The following TMEM114 variants were observed in gnomAD, a reference collection of about 807,000 sequenced individuals.
The protein encoded by TMEM114 is claudin-26.
In TMEM114, 6 loss-of-function variants were observed where a neutral mutation model predicts 6.2. The ratio of observed to expected loss-of-function variants is 0.97; its 90% confidence interval spans 0.53 to 1.91. TMEM114 has a LOEUF of 1.91. Ranked by LOEUF, TMEM114 falls within the 40% of genes most tolerant of loss-of-function variation. The pLI, the probability that TMEM114 is intolerant of heterozygous loss-of-function variation, is 0.01. For missense variants in TMEM114, 218 were observed against 158.3 expected (o/e 1.38, Z -2.02); for synonymous variants, 104 against 73.0 (o/e 1.42, Z -2.16).
chr16:8,552,030 C>G (rs1444385739), intron 2 of TMEM114, among the ~76,000 whole-genome samples: 1 of 152,066 alleles, frequency 6.6e-6, no homozygotes, highest in Non-Finnish European at 1.5e-5. Context: ...CTCAAAATTA[C>G]AGAGCTCCAA....
intron 2 of TMEM114, among the ~76,000 whole-genome samples, chr16:8,573,903 C>G (rs575938364): frequency 2.1e-4 from 32 of 152,276 alleles, no homozygotes; most frequent in Admixed American, 1.2e-3. Flanking sequence ...GATCTTATTT[C>G]CCTGTGCACA....
chr16:8,545,449 C>T (rs1900636599), intron 2 of TMEM114, among the ~76,000 whole-genome samples: 1 of 151,858 alleles, frequency 6.6e-6, no homozygotes, highest in Non-Finnish European at 1.5e-5. Context: ...TAATCAACAT[C>T]ATCATCATCA....
the TMEM114 span, among the ~76,000 whole-genome samples, chr16:8,530,500 A>G: frequency 9.2e-5 from 14 of 152,262 alleles, 1 homozygote; most frequent in African/African-American, 3.1e-4. Context: ...TAGCCAATGG[A>G]AAGAGAATGA....
rs562232362 is a variant in TMEM114 at position 8,553,508 on chromosome 16, C to T, written n.213-15682G>A. 1.1e-3 allele frequency among the ~76,000 whole-genome samples: 163 copies of T among 151,700 alleles called. 1 individual carries two copies. Among genetic ancestry groups the T allele is most frequent in the African/African-American group, 3.8e-3 (156 of 41,344 alleles). ...GCTTTTCTTTCTTTTTTTTTTGAGACGGAGTCTCGCTGTGTCACCCAGGCT... is the reference window on the plus strand; with the variant it reads ...GCTTTTCTTTCTTTTTTTTTTGAGATGGAGTCTCGCTGTGTCACCCAGGCT... On this transcript the variant is annotated intron_variant and non_coding_transcript_variant, in intron 2 of 2. Transcript: ENST00000623677.
At position 8,551,545 on chromosome 16, in the gene TMEM114, G is replaced by A. The variant is rs114165402; in HGVS notation, n.213-13719C>T. Among the ~76,000 whole-genome samples, 501 of 152,272 alleles carry A rather than the reference G, an allele frequency of 3.3e-3. 1 individual carries two copies. Among genetic ancestry groups the A allele is most frequent in the African/African-American group, 0.011 (467 of 41,544 alleles). ...TTGGCCCCAAACTCAACTTCCTGTG[G>A]CCAAAGCAAAGAGAGAAAGTCCATC... On this transcript the variant is annotated intron_variant and non_coding_transcript_variant, in intron 2 of 2. Coordinates refer to the TMEM114 transcript ENST00000623677.
chr16:8,538,984 C>T (rs897106865), intron 2 of TMEM114, among the ~76,000 whole-genome samples: 3 of 152,020 alleles, frequency 2.0e-5, no homozygotes, highest in African/African-American at 7.3e-5. Context: ...AGTCAAATGC[C>T]TGGAATAAAA....
chr16:8,553,493 CT>C (rs112930945), intron 2 of TMEM114, among the ~76,000 whole-genome samples: 63,249 of 150,542 alleles, frequency 0.42, 13,596 homozygotes, highest in East Asian at 0.52. Context: ...GCTTTTCTTT[CT>C]TTTTTTTTTG....
chr16:8,559,239 C>T (rs1901121460), intron 2 of TMEM114, among the ~76,000 whole-genome samples: 1 of 152,062 alleles, frequency 6.6e-6, no homozygotes, highest in Non-Finnish European at 1.5e-5. Context: ...GACGGGGTTT[C>T]ACCGTGTTGG....
intron 2 of TMEM114, among the ~76,000 whole-genome samples, chr16:8,586,378 G>A (rs1398630827): frequency 1.3e-5 from 2 of 152,042 alleles, no homozygotes; most frequent in Admixed American, 6.6e-5. Context: ...CATTTTGACG[G>A]ATGTGAACAT....
chr16:8,557,721 C>G (rs1901061361), intron 2 of TMEM114, among the ~76,000 whole-genome samples: 1 of 152,188 alleles, frequency 6.6e-6, no homozygotes, highest in African/African-American at 2.4e-5. Context: ...GCCTCAATTT[C>G]CTCATTTTGG....
At chr16:8,539,819 T>A (rs3923443) in intron 2 of TMEM114, among the ~76,000 whole-genome samples, 6,802 of 152,258 alleles carry the variant, frequency 0.045, 248 homozygotes, top group Admixed American at 0.11. Context: ...GCTATTTTTT[T>A]AATTATTTTA....
intron 2 of TMEM114, among the ~76,000 whole-genome samples, chr16:8,556,989 C>G (rs1485627470): frequency 6.6e-6 from 1 of 152,054 alleles, no homozygotes; most frequent in East Asian, 1.9e-4. Context: ...TGCTGGGGAC[C>G]AGAGCTGGAG....
At chr16:8,559,676 G>A (rs1901136347) in intron 2 of TMEM114, among the ~76,000 whole-genome samples, 1 of 152,232 alleles carries the variant, frequency 6.6e-6, no homozygotes, top group African/African-American at 2.4e-5. Flanking sequence ...AGAAATGAAT[G>A]TGGGACAGAC....
intron 2 of TMEM114, among the ~76,000 whole-genome samples, chr16:8,544,580 T>C (rs1235565917): frequency 6.6e-6 from 1 of 152,184 alleles, no homozygotes; most frequent in Non-Finnish European, 1.5e-5. Context: ...TGAGGAATGA[T>C]AGCTCATAAG....
At chr16:8,550,700 C>T (rs1477412761) in intron 2 of TMEM114, among the ~76,000 whole-genome samples, 1 of 87,210 alleles carries the variant, frequency 1.1e-5, no homozygotes, top group Non-Finnish European at 2.2e-5. Flanking sequence ...AAAAAAAAAC[C>T]AAAAAAAAAA....
At chr16:8,585,286 G>C (rs958580281) in intron 2 of TMEM114, among the ~76,000 whole-genome samples, 1 of 152,214 alleles carries the variant, frequency 6.6e-6, no homozygotes, top group Non-Finnish European at 1.5e-5. Flanking sequence ...ACATTTGGGT[G>C]GGGGCACAGC....
chr16:8,560,314 A>G (rs1901159027), intron 2 of TMEM114, among the ~76,000 whole-genome samples: 1 of 151,850 alleles, frequency 6.6e-6, no homozygotes, highest in Non-Finnish European at 1.5e-5. Context: ...GTGATCTTGG[A>G]TGCATCCTTG....
chr16:8,553,851 C>T lies in TMEM114; in HGVS notation n.213-16025G>A, dbSNP rs143374994. 5.4e-3 allele frequency among the ~76,000 whole-genome samples: 819 copies of T among 152,020 alleles called. 2 individuals are homozygous for T. Among genetic ancestry groups the T allele is most frequent in the African/African-American group, 0.019 (776 of 41,464 alleles). The stretch of plus-strand genomic sequence containing the variant: ...AGTAGCTGGAATTACAGGCTCACAC[C>T]ACTATGGCTGCTAATTTTTTCCTTT... On this transcript the variant is annotated intron_variant and non_coding_transcript_variant, in intron 2 of 2. Transcript: ENST00000623677.
At chr16:8,549,913 G>C (rs1038533004) in intron 2 of TMEM114, among the ~76,000 whole-genome samples, 17 of 152,288 alleles carry the variant, frequency 1.1e-4, no homozygotes, top group African/African-American at 3.8e-4. Flanking sequence ...GCAAGCTGAG[G>C]GGTAAGGAAG....
Sources: allele counts gnomAD v4.1 joint callset (sites outside exome capture counted in the v4.1 genomes callset), GRCh38; gene constraint gnomAD v4.1.1; transcripts MANE v1.5; gene names NCBI Gene and HGNC (gene_info 2026-07-23, HGNC 2026-07-21).